The following HMCN1 variants were observed in gnomAD, a reference collection of about 807,000 sequenced individuals.
HMCN1 encodes the protein hemicentin-1.
HMCN1 carries 321 observed loss-of-function variants against 625.9 expected under a neutral mutation model. The observed-to-expected ratio is 0.51, with a 90% CI of 0.47 to 0.56. The LOEUF (loss-of-function observed/expected upper bound fraction) is 0.56, where lower values mean the gene tolerates loss of function less well. HMCN1 is among the 20% of genes least tolerant of loss of function. The pLI is 0.00. For missense variants in HMCN1, 6,588 were observed against 6,887.3 expected, an observed-to-expected ratio of 0.96 and a Z score of 1.54; for synonymous variants, 2,425 against 2,417.6, an observed-to-expected ratio of 1.00 and a Z score of -0.09.
Position 186,144,181 on chromosome 1 carries a change from G to A in HMCN1, c.13933G>A (p.Ala4645Thr). ...TTTTGGGGTGTTTGCAGTTCATGGA[G>A]CATGGAGCGCTTGGCAGCCTTGGGG... Reference protein sequence around the residue: ...CNIRPCPVHGAWSAWQPWGTC... With the variant: ...CNIRPCPVHGTWSAWQPWGTC... Residue 4645 changes from alanine to threonine, a missense_variant, in exon 90 of 107, where the codon GCA becomes ACA. Physicochemically the swap from Ala to Thr is moderately conservative, Grantham distance 58. Coordinates refer to ENST00000271588, the MANE Select transcript of HMCN1 (RefSeq NM_031935.3). 6.2e-7 allele frequency: 1 copy of A among 1,605,296 alleles called. No homozygotes were observed. Among genetic ancestry groups the A allele is most frequent in the East Asian group, 2.2e-5 (1 of 44,790 alleles).
intron 4 of HMCN1, among the ~76,000 whole-genome samples, chr1:185,904,475 T>C (rs1048090877): frequency 1.3e-5 from 2 of 151,890 alleles, no homozygotes; most frequent in Non-Finnish European, 2.9e-5. Context: ...AATATACAGC[T>C]AATCTATTCA....
intron 93 of HMCN1, among the ~76,000 whole-genome samples, chr1:186,148,875 C>T (rs1454253327): frequency 6.6e-6 from 1 of 152,086 alleles, no homozygotes; most frequent in African/African-American, 2.4e-5. Flanking sequence ...TTGTACATCT[C>T]CATTAGACCT....
At position 186,074,757 on chromosome 1, in the gene HMCN1, A is replaced by T; in HGVS notation, c.8156A>T (p.Asp2719Val). Residue 2719 changes from aspartate to valine, a missense_variant, in exon 53 of 107, where the codon GAT becomes GTT. Coordinates refer to ENST00000271588, the MANE Select transcript of HMCN1 (RefSeq NM_031935.3). Reference sequence around the variant, plus strand: ...GAATCACAGCCCCTTAAATCCGATGATCATGTTAATATTGCTGCGAATGGA... The same window carrying T: ...GAATCACAGCCCCTTAAATCCGATGTTCATGTTAATATTGCTGCGAATGGA... ...YKDGQPLKSDDHVNIAANGHT... is the reference protein window; with the variant it reads ...YKDGQPLKSDVHVNIAANGHT... 6.2e-7 allele frequency: 1 copy of T among 1,612,980 alleles called. No individual in the cohort carries two copies. Among genetic ancestry groups the T allele is most frequent in the Non-Finnish European group, 8.5e-7 (1 of 1,179,266 alleles).
At chr1:185,960,124 C>CTTTT (rs1167408279) in intron 11 of HMCN1, among the ~76,000 whole-genome samples, 30 of 108,886 alleles carry the variant, frequency 2.8e-4, no homozygotes, top group South Asian at 5.9e-4. Context: ...CAGGAATATT[C>CTTTT]TTTTTTTTTT....
chr1:186,158,997 A>G (rs1242702849), intron 97 of HMCN1, among the ~76,000 whole-genome samples: 1 of 152,174 alleles, frequency 6.6e-6, no homozygotes, highest in Non-Finnish European at 1.5e-5. Flanking sequence ...TGGGGATGGC[A>G]TCGAATCTAT....
intron 81 of HMCN1, among the ~76,000 whole-genome samples, chr1:186,125,232 G>T (rs899281878): frequency 6.6e-6 from 1 of 151,926 alleles, no homozygotes; most frequent in African/African-American, 2.4e-5. Context: ...CAGCAGTTAC[G>T]CAACCATAGA....
Position 185,994,411 on chromosome 1 carries a change from G to C in HMCN1, c.3506-404G>C, listed in dbSNP as rs1157094682. ...AAAGAGAACAGAAACTGAGTACATG[G>C]AGAGAAATGCTTTTTGTCCCTTATA... On this transcript the variant is annotated intron_variant, in intron 23 of 106. Transcript: ENST00000271588. Among the ~76,000 whole-genome samples the C allele has an allele frequency of 2.0e-5, 3 of 152,138 alleles. No homozygotes were observed. In the East Asian group the frequency reaches 5.8e-4, roughly 29 times the overall value.
intron 10 of HMCN1, among the ~76,000 whole-genome samples, chr1:185,931,906 C>G (rs1433906453): frequency 6.6e-6 from 1 of 152,152 alleles, no homozygotes; most frequent in Non-Finnish European, 1.5e-5. Flanking sequence ...ATTGGCTTAT[C>G]TAAAGTCACA....
In HMCN1 at chr1:186,019,529, C is replaced by T. The variant is rs770173320; in HGVS notation, c.5471-12C>T. On this transcript the variant is annotated splice_polypyrimidine_tract_variant and intron_variant, in intron 34 of 106. Coordinates refer to ENST00000271588, the MANE Select transcript of HMCN1 (RefSeq NM_031935.3). ...TATGGTTTCATTCCCTCTCCCCCTTCCTTAAATATAGTTCCTCCAACAATC... is the reference window on the plus strand; with the variant it reads ...TATGGTTTCATTCCCTCTCCCCCTTTCTTAAATATAGTTCCTCCAACAATC... 4 of 1,599,114 alleles carry T rather than the reference C, an allele frequency of 2.5e-6. No homozygotes were observed. The highest frequency in any genetic ancestry group is 1.7e-4 in the Middle Eastern group (1 of 6,042).
At chr1:185,969,987 C>T (rs1244184943) in intron 14 of HMCN1, among the ~76,000 whole-genome samples, 1 of 152,204 alleles carries the variant, frequency 6.6e-6, no homozygotes, top group East Asian at 1.9e-4. Flanking sequence ...TAACCAAATG[C>T]ATCCTGCCAC....
intron 1 of HMCN1, among the ~76,000 whole-genome samples, chr1:185,776,662 G>A (rs1306556329): frequency 6.6e-6 from 1 of 152,144 alleles, no homozygotes; most frequent in East Asian, 1.9e-4. Context: ...TAGGGTCATT[G>A]TGAGAGTGGA....
chr1:186,093,451 C>T (rs369972161), intron 65 of HMCN1, 35 bp from the exon 66 acceptor site: 2 of 1,602,914 alleles, frequency 1.2e-6, no homozygotes, highest in Non-Finnish European at 1.7e-6. Context: ...ATAATACATC[C>T]CTCTTCCCTC....
intron 1 of HMCN1, among the ~76,000 whole-genome samples, chr1:185,768,499 G>C (rs1656013515): frequency 6.6e-6 from 1 of 152,200 alleles, no homozygotes; most frequent in South Asian, 2.1e-4. Context: ...ATGATCAAGA[G>C]AGTGCATACC....
intron 41 of HMCN1, among the ~76,000 whole-genome samples, chr1:186,047,072 G>A (rs900312305): frequency 4.6e-5 from 7 of 152,106 alleles, no homozygotes; most frequent in African/African-American, 1.7e-4. Flanking sequence ...ATGACGGGCA[G>A]TAAGCTGGGC....
At chr1:185,954,099 G>C (rs1649443407) in intron 11 of HMCN1, among the ~76,000 whole-genome samples, 1 of 151,864 alleles carries the variant, frequency 6.6e-6, no homozygotes, top group Non-Finnish European at 1.5e-5. Flanking sequence ...ATCAGTTAAG[G>C]TGGGGCAGGG....
At chr1:186,080,446 A>G (rs1257421652) in intron 55 of HMCN1, among the ~76,000 whole-genome samples, 3 of 152,300 alleles carry the variant, frequency 2.0e-5, no homozygotes, top group African/African-American at 4.8e-5. Context: ...TAACATTTTC[A>G]TTTTTAAAAT....
chr1:186,097,436 C>G (rs529330624), intron 68 of HMCN1, among the ~76,000 whole-genome samples: 63 of 151,554 alleles, frequency 4.2e-4, no homozygotes, highest in African/African-American at 1.2e-3. Context: ...TGAGCATCTG[C>G]AGATTTTGGT....
At chr1:186,026,707 C>G (rs1655079641) in intron 36 of HMCN1, among the ~76,000 whole-genome samples, 1 of 152,132 alleles carries the variant, frequency 6.6e-6, no homozygotes, top group Non-Finnish European at 1.5e-5. Flanking sequence ...GGTCATGACT[C>G]ATTACAGCCC....
chr1:185,955,367 C>T (rs1445818885), intron 11 of HMCN1, among the ~76,000 whole-genome samples: 11 of 152,044 alleles, frequency 7.2e-5, no homozygotes, highest in Non-Finnish European at 1.6e-4. Flanking sequence ...CCTCATAAAG[C>T]AATGCATAGA....
Sources: allele counts gnomAD v4.1 joint callset (sites outside exome capture counted in the v4.1 genomes callset), GRCh38; gene constraint gnomAD v4.1.1; transcripts MANE v1.5; gene names NCBI Gene and HGNC (gene_info 2026-07-23, HGNC 2026-07-21).